KEAP1: variants seen among roughly 807,000 people sequenced by gnomAD.
KEAP1 encodes the protein kelch like ECH associated protein 1.
KEAP1 carries 26 observed loss-of-function variants against 59.7 expected under a neutral mutation model. The ratio of observed to expected loss-of-function variants is 0.44; its 90% confidence interval spans 0.32 to 0.60. The LOEUF is 0.60. Among genes scored for constraint, KEAP1 ranks in the 20% least tolerant of loss-of-function variants. The pLI is 0.06. For missense variants in KEAP1, 539 were observed against 871.4 expected (o/e 0.62, Z 4.80); for synonymous variants, 350 against 358.3 (o/e 0.98, Z 0.26).
chr19:10,489,980 G>A (rs1487213627), intron 3 of KEAP1, 127 bp from the exon 4 acceptor site: 12 of 898,960 alleles, frequency 1.3e-5, no homozygotes, highest in South Asian at 5.1e-5. Context: ...CATCCGGCGC[G>A]ATGGCTCATG....
rs147978338 is a variant in KEAP1, at chr19:10,488,813, C to T, written c.1708+379G>A. 0.019 allele frequency among the ~76,000 whole-genome samples: 2,925 copies of T among 151,372 alleles called. 262 individuals are homozygous for T. In the East Asian group the frequency reaches 0.3, roughly 15 times the overall value. On this transcript the variant is annotated intron_variant, in intron 5 of 5. Coordinates refer to ENST00000171111, the MANE Select transcript of KEAP1 (RefSeq NM_203500.2). ...TGGTGTGGTGGCATGTGCCTGTAGTCGCAGCTACTCAGGAGGCTGAGACAG... is the reference window on the plus strand; with the variant it reads ...TGGTGTGGTGGCATGTGCCTGTAGTTGCAGCTACTCAGGAGGCTGAGACAG...
In KEAP1 at chr19:10,491,913, G is replaced by A. The variant is rs1378587016; in HGVS notation, c.989C>T (p.Thr330Ile). Residue 330 changes from threonine (T) to isoleucine (I), a missense_variant, in exon 3 of 6, where the codon ACC (threonine) becomes ATC (isoleucine). Transcript: ENST00000171111. This position sits in a 1 kb window ranked among gnomAD's most constrained non-coding sequence, Gnocchi z 5.2. ...RAPKVGRLIYTAGGYFRQSLS... is the reference protein window; with the variant it reads ...RAPKVGRLIYIAGGYFRQSLS... ...CGACTGTCGGAAGTAGCCGCCCGCG[G>A]TGTAGATCAGGCGGCCCACCTTGGG... 1 of 1,613,616 alleles carries A rather than the reference G, an allele frequency of 6.2e-7. No individual in the cohort carries two copies. The highest frequency in any genetic ancestry group is 1.7e-5 in the Admixed American group (1 of 60,004).
chr19:10,486,611 T>TC lies in KEAP1; in HGVS notation c.*40dup, dbSNP rs760133654. 1 of 1,565,130 alleles carries TC rather than the reference T, an allele frequency of 6.4e-7. No individual in the cohort carries two copies. Among genetic ancestry groups the TC allele is most frequent in the Non-Finnish European group, 8.7e-7 (1 of 1,145,748 alleles). On this transcript the variant is annotated 3_prime_UTR_variant, in exon 6 of 6. Coordinates refer to ENST00000171111, the MANE Select transcript of KEAP1 (RefSeq NM_203500.2). Reference sequence around the variant, plus strand: ...GGTTTTTGTACAAAAACAATGATACTCCCCATTGGACTGTATTTTTGCCCA... The same window carrying TC: ...GGTTTTTGTACAAAAACAATGATACTCCCCCATTGGACTGTATTTTTGCCCA...
rs1181887543 is a variant in KEAP1, at chr19:10,486,594, T to C, written c.*58A>G. The C allele has an allele frequency of 1.3e-6, 2 of 1,525,530 alleles. No homozygotes were observed. The highest frequency in any genetic ancestry group is 1.2e-5 in the South Asian group (1 of 84,204). The allele number at this position is 1,525,530 out of a possible 1,614,324, so 94.5% of individuals were successfully genotyped here. Reference sequence around the variant, plus strand: ...TCTTTTCTTTTAGTCCCGGTTTTTGTACAAAAACAATGATACTCCCCATTG... The same window carrying C: ...TCTTTTCTTTTAGTCCCGGTTTTTGCACAAAAACAATGATACTCCCCATTG... On this transcript the variant is annotated 3_prime_UTR_variant, in exon 6 of 6. Coordinates refer to ENST00000171111, the MANE Select transcript of KEAP1 (RefSeq NM_203500.2).
rs993937170 is a variant in KEAP1 at position 10,502,116 on chromosome 19, C to T, written c.-48+1125G>A. 6.6e-6 allele frequency among the ~76,000 whole-genome samples: 1 copy of T among 152,164 alleles called. No homozygotes were observed. Among genetic ancestry groups the T allele is most frequent in the Non-Finnish European group, 1.5e-5 (1 of 68,026 alleles). On this transcript the variant is annotated intron_variant, in intron 1 of 5. Coordinates refer to ENST00000171111, the MANE Select transcript of KEAP1 (RefSeq NM_203500.2). This position sits in a 1 kb window ranked among gnomAD's most constrained non-coding sequence, Gnocchi z 4.0. ...CCTCTCCTGTGCCTCTCGCCTGGGG[C>T]CTGGCACTGCGCAGGGGTCAATAAA...
At chr19:10,487,805 G>A (rs554108591) in intron 5 of KEAP1, among the ~76,000 whole-genome samples, 3 of 152,174 alleles carry the variant, frequency 2.0e-5, no homozygotes, top group South Asian at 2.1e-4. Context: ...AGACCAGCCT[G>A]GCTAACATTG....
rs980775918 is a variant in KEAP1, at chr19:10,499,087, G to T, written c.639+308C>A. Among the ~76,000 whole-genome samples, 2 of 151,916 alleles carry T rather than the reference G, an allele frequency of 1.3e-5. No individual in the cohort carries two copies. Among genetic ancestry groups the T allele is most frequent in the Non-Finnish European group, 2.9e-5 (2 of 67,970 alleles). On this transcript the variant is annotated intron_variant, in intron 2 of 5. Transcript: ENST00000171111. This position sits in a 1 kb window ranked among gnomAD's most constrained non-coding sequence, Gnocchi z 6.7. Reference sequence around the variant, plus strand: ...TTACCTCAGGTGATCCACCTGCCTCGGCCTCCCAAAGTGTTGGGATTACAG... The same window carrying T: ...TTACCTCAGGTGATCCACCTGCCTCTGCCTCCCAAAGTGTTGGGATTACAG...
intron 1 of KEAP1, among the ~76,000 whole-genome samples, chr19:10,500,467 C>T (rs1915004019): frequency 6.6e-6 from 1 of 152,116 alleles, no homozygotes; most frequent in Non-Finnish European, 1.5e-5. Flanking sequence ...CTTCATTTGC[C>T]TCACCATTTA....
chr19:10,488,101 A>C (rs1484748261), intron 5 of KEAP1, among the ~76,000 whole-genome samples: 12 of 149,750 alleles, frequency 8.0e-5, no homozygotes, highest in African/African-American at 3.0e-4. Context: ...GCACTCCAGC[A>C]TGGGCAACGA....
chr19:10,497,596 G>A (rs1178443954), intron 2 of KEAP1, among the ~76,000 whole-genome samples: 2 of 152,140 alleles, frequency 1.3e-5, no homozygotes, highest in Non-Finnish European at 2.9e-5. Context: ...AACACTTCTT[G>A]GCCTGGTGTT....
intron 2 of KEAP1, among the ~76,000 whole-genome samples, chr19:10,497,895 C>A (rs924632967): frequency 6.6e-5 from 10 of 152,040 alleles, no homozygotes; most frequent in Non-Finnish European, 1.5e-4. Flanking sequence ...CTCATCTCTT[C>A]AAAAACTTTT....
chr19:10,500,312 A>G (rs1321173217), intron 1 of KEAP1, among the ~76,000 whole-genome samples: 2 of 152,154 alleles, frequency 1.3e-5, no homozygotes, highest in African/African-American at 2.4e-5. Context: ...GGATCCTCCA[A>G]TGCCTCCCAC....
rs957879394 is a variant in KEAP1 at position 10,499,845 on chromosome 19, G to T, written c.189C>A (p.Ala63=). The change falls in exon 2 of 6, where the codon GCC becomes GCA. Residue 63 remains alanine, a synonymous_variant. Transcript: ENST00000171111. The surrounding 1 kb of genome is among the most constrained non-coding windows in gnomAD (Gnocchi z 6.7). ...SYTLEDHTKQ[A]FGIMNELRLS... ...GCCGCAGCTCGTTCATGATGCCAAA[G>T]GCCTGCTTGGTATGATCCTCCAGGG... 6.8e-6 allele frequency: 11 copies of T among 1,613,792 alleles called. No homozygotes were observed. Among genetic ancestry groups the T allele is most frequent in the Non-Finnish European group, 9.3e-6 (11 of 1,180,028 alleles).
At chr19:10,496,750 C>T (rs113845278) in intron 2 of KEAP1, among the ~76,000 whole-genome samples, 1,948 of 151,124 alleles carry the variant, frequency 0.013, 20 homozygotes, top group Non-Finnish European at 0.02. Flanking sequence ...TGCAGTGAGC[C>T]GAAATCTTGC....
chr19:10,500,939 C>G (rs1301451229), intron 1 of KEAP1, among the ~76,000 whole-genome samples: 1 of 152,094 alleles, frequency 6.6e-6, no homozygotes, highest in Non-Finnish European at 1.5e-5. Context: ...CTTGGCATCC[C>G]GAAGTGCTGG....
chr19:10,495,472 C>A (rs562952133), intron 2 of KEAP1, among the ~76,000 whole-genome samples: 2 of 152,098 alleles, frequency 1.3e-5, no homozygotes, highest in Non-Finnish European at 2.9e-5. Flanking sequence ...CCAAAGCAGG[C>A]GGATCACCTG....
chr19:10,487,540 CAG>C (rs1914507068), intron 5 of KEAP1, among the ~76,000 whole-genome samples: 1 of 151,814 alleles, frequency 6.6e-6, no homozygotes, highest in South Asian at 2.1e-4. Context: ...CCTGTAATCT[CAG>C]CTACCTGGGA....
intron 2 of KEAP1, among the ~76,000 whole-genome samples, chr19:10,495,776 C>T (rs1384594982): frequency 6.6e-6 from 1 of 152,000 alleles, no homozygotes; most frequent in Non-Finnish European, 1.5e-5. Flanking sequence ...AGGTGTGTAA[C>T]TTGGGCAAAT....
chr19:10,487,742 T>C (rs1359133735), intron 5 of KEAP1, among the ~76,000 whole-genome samples: 1 of 152,060 alleles, frequency 6.6e-6, no homozygotes, highest in African/African-American at 2.4e-5. Flanking sequence ...ATGCCTGTAA[T>C]CCCAGGACTT....
Sources: gnomAD v4.1 joint callset for allele counts (sites outside exome capture counted in the v4.1 genomes callset) on GRCh38, gnomAD v4.1.1 for gene constraint, Gnocchi (gnomAD v3.1) non-coding constraint, MANE v1.5 for transcripts, NCBI Gene and HGNC (gene_info 2026-07-23, HGNC 2026-07-21) for gene names.